DNASE1: variants seen among roughly 807,000 people sequenced by gnomAD.
DNASE1 encodes deoxyribonuclease-1.
In DNASE1, 40 loss-of-function variants were observed where a neutral mutation model predicts 33.9. The ratio of observed to expected loss-of-function variants is 1.18; its 90% CI spans 0.92 to 1.54. The LOEUF is 1.54. Among genes scored for constraint, DNASE1 ranks in the 40% most tolerant of loss-of-function variants. The pLI, the probability that DNASE1 is intolerant of heterozygous loss-of-function variation, is 0.00. For synonymous variants in DNASE1, 216 were observed against 160.0 expected, an observed-to-expected ratio of 1.35 and a Z score of -2.64; for missense variants, 518 against 372.6, an observed-to-expected ratio of 1.39 and a Z score of -3.21.
chr16:3,622,491 A>G (rs917486242), intron 1 of DNASE1, among the ~76,000 whole-genome samples: 3 of 151,892 alleles, frequency 2.0e-5, no homozygotes, highest in South Asian at 2.1e-4. Flanking sequence ...TCTTTTTCCT[A>G]TTGGTTTGTA....
At chr16:3,642,540 C>T (rs1010325298), upstream of DNASE1, among the ~76,000 whole-genome samples, 1 of 152,046 alleles carries the variant, frequency 6.6e-6, no homozygotes, top group Non-Finnish European at 1.5e-5. Flanking sequence ...AGCATGTTCT[C>T]CGTGAGCACC....
intron 1 of DNASE1, among the ~76,000 whole-genome samples, chr16:3,619,010 G>A (rs907675641): frequency 6.6e-6 from 1 of 151,694 alleles, no homozygotes; most frequent in Non-Finnish European, 1.5e-5. Context: ...CAGCCTACCT[G>A]TAGCTAGAGC....
At chr16:3,662,063 G>C, downstream of DNASE1, 2 of 1,613,350 alleles carry the variant, frequency 1.2e-6, no homozygotes, top group Non-Finnish European at 1.7e-6. Context: ...TGCATGCGCA[G>C]GAAGTGGCGG....
upstream of DNASE1, among the ~76,000 whole-genome samples, chr16:3,638,104 AGTGTGTGTGTGTGTGT>A (rs58884007): frequency 1.5e-3 from 222 of 143,558 alleles, no homozygotes; most frequent in African/African-American, 5.2e-3. Flanking sequence ...AGTTTTTGTG[AGTGTGTGTGTGTGTGT>A]GTGTGTGTGT....
chr16:3,653,706 C>G (rs1313663580), upstream of DNASE1: 2 of 143,544 alleles, frequency 1.4e-5, no homozygotes, highest in African/African-American at 2.6e-5. Flanking sequence ...ACTCGGGAGG[C>G]TGAGGCAGAA....
Position 3,657,803 on chromosome 16 carries a change from T to C in DNASE1, c.788T>C (p.Leu263Pro), listed in dbSNP as rs2042788245. The C allele has an allele frequency of 6.2e-7, 1 of 1,613,736 alleles. No individual in the cohort carries two copies. The highest frequency in any genetic ancestry group is 8.5e-7 in the Non-Finnish European group (1 of 1,179,912). ...TTTAACTTCCAGGCTGCCTATGGCC[T>C]GAGTGACCAACTGGTATGTGTCCTC... ...LPFNFQAAYGLSDQLAQAISD... is the reference protein window; with the variant it reads ...LPFNFQAAYGPSDQLAQAISD... Residue 263 changes from leucine (L) to proline (P), a missense_variant, in exon 8 of 9, where the codon CTG (leucine) becomes CCG (proline). By Grantham distance (98) the Leu-to-Pro change is moderately conservative. Transcript: ENST00000246949.
chr16:3,659,944 C>CAGGAGT (rs2042975206), downstream of DNASE1: 1 of 152,112 alleles, frequency 6.6e-6, no homozygotes, highest in Non-Finnish European at 1.5e-5. Flanking sequence ...GAGATGAGGT[C>CAGGAGT]TCGAACTCCT....
chr16:3,663,530 G>A (rs1240343535), exon 10 of DNASE1: 3 of 1,613,986 alleles, frequency 1.9e-6, no homozygotes, highest in Non-Finnish European at 2.5e-6. Flanking sequence ...GCAGCAGGGT[G>A]AGCTCATCAA....
At chr16:3,636,609 C>T (rs568347724) in intron 1 of DNASE1, among the ~76,000 whole-genome samples, 95 of 151,864 alleles carry the variant, frequency 6.3e-4, no homozygotes, top group African/African-American at 2.2e-3. Context: ...ATCGCTTGAG[C>T]CCAGGAGTTC....
At chr16:3,661,801 G>C, downstream of DNASE1, 3 of 660,928 alleles carry the variant, frequency 4.5e-6, no homozygotes, top group Non-Finnish European at 6.7e-6. Context: ...CCTGGGGATG[G>C]TAAGGGGCTG....
upstream of DNASE1, chr16:3,640,877 C>G (rs538825670): frequency 1.2e-4 from 49 of 398,632 alleles, no homozygotes; most frequent in African/African-American, 9.0e-4. Flanking sequence ...CTCATGGGCT[C>G]AAGCGAGGAC....
chr16:3,657,971 C>T lies in DNASE1; in HGVS notation c.*18C>T, dbSNP rs750165655. 1.3e-5 allele frequency: 21 copies of T among 1,613,664 alleles called. No individual in the cohort carries two copies. In the South Asian group the frequency reaches 2.2e-4, roughly 17 times the overall value. ...TGAAGTGAGCAGCCCCTCCCCACAC[C>T]AGTTGAACTGCAGGAAGAGAGGACC... On this transcript the variant is annotated 3_prime_UTR_variant, in exon 9 of 9. Coordinates refer to ENST00000246949, the MANE Select transcript of DNASE1 (RefSeq NM_005223.4).
chr16:3,619,525 C>T (rs939826044), intron 1 of DNASE1, among the ~76,000 whole-genome samples: 1 of 151,696 alleles, frequency 6.6e-6, no homozygotes, highest in African/African-American at 2.4e-5. Context: ...CCACGCCTAG[C>T]TCCATTTTTG....
chr16:3,617,413 A>G (rs749111415), intron 1 of DNASE1, among the ~76,000 whole-genome samples: 2 of 151,890 alleles, frequency 1.3e-5, no homozygotes, highest in African/African-American at 4.8e-5. Context: ...TAGATATGAC[A>G]CTAAAAGCAG....
At chr16:3,614,721 C>G (rs1276254750) in intron 1 of DNASE1, among the ~76,000 whole-genome samples, 1 of 152,160 alleles carries the variant, frequency 6.6e-6, no homozygotes, top group Non-Finnish European at 1.5e-5. Context: ...GGAATTAGAC[C>G]TGGGAGAGGC....
chr16:3,634,658 C>T (rs1276359836), intron 1 of DNASE1, among the ~76,000 whole-genome samples: 1 of 152,026 alleles, frequency 6.6e-6, no homozygotes, highest in East Asian at 1.9e-4. Flanking sequence ...GACAGGTGTG[C>T]ACCACCATGC....
chr16:3,618,305 A>C (rs1044684548), intron 1 of DNASE1, among the ~76,000 whole-genome samples: 1 of 152,142 alleles, frequency 6.6e-6, no homozygotes, highest in African/African-American at 2.4e-5. Context: ...GAACTCTGAT[A>C]CATTGCTGGA....
chr16:3,619,341 G>A (rs2041221628), intron 1 of DNASE1, among the ~76,000 whole-genome samples: 1 of 139,752 alleles, frequency 7.2e-6, no homozygotes, highest in South Asian at 2.3e-4. Context: ...TGGCCTGTGG[G>A]TAATTTTCTT....
At chr16:3,660,286 T>G (rs532814917), downstream of DNASE1, 1 of 152,352 alleles carries the variant, frequency 6.6e-6, no homozygotes, top group African/African-American at 2.4e-5. Context: ...AATTTTCCCC[T>G]GTAAGCAGTT....
Sources: gnomAD v4.1 joint callset for allele counts (sites outside exome capture counted in the v4.1 genomes callset) on GRCh38, gnomAD v4.1.1 for gene constraint, MANE v1.5 for transcripts, NCBI Gene and HGNC (gene_info 2026-07-23, HGNC 2026-07-21) for gene names.